The following EPN1 variants were observed in gnomAD, a reference collection of about 807,000 sequenced individuals.
EPN1 encodes the protein epsin-1.
In EPN1, 25 loss-of-function variants were observed where a neutral mutation model predicts 56.9. The ratio of observed to expected loss-of-function variants is 0.44; its 90% CI spans 0.32 to 0.61. EPN1 has a LOEUF of 0.61. Among genes scored for constraint, EPN1 ranks in the 20% least tolerant of loss-of-function variants. The pLI is 0.05. For missense variants in EPN1, 785 were observed against 823.7 expected (o/e 0.95, Z 0.58); for synonymous variants, 411 against 361.8 (o/e 1.14, Z -1.54).
At chr19:55,685,982 C>A (rs1244457647) in intron 3 of EPN1, among the ~76,000 whole-genome samples, 1 of 152,152 alleles carries the variant, frequency 6.6e-6, no homozygotes, top group Non-Finnish European at 1.5e-5. Context: ...CACAGTGACC[C>A]CCGAGGGTGC....
Position 55,708,945 on chromosome 19 carries a change from G to A in EPN1, c.*13589G>A, listed in dbSNP as rs753356427. On this transcript the variant is annotated 3_prime_UTR_variant, in exon 11 of 11. Coordinates refer to ENST00000270460, the MANE Select transcript of EPN1 (RefSeq NM_001130072.2). ...GCACACCCCTGATCTTGTATTCCTC[G>A]TCAATCCAAGGTCCATGTGAAATGG... 32 of 1,569,924 alleles carry A rather than the reference G, an allele frequency of 2.0e-5. No homozygotes were observed. Among genetic ancestry groups the A allele is most frequent in the East Asian group, 1.5e-4 (6 of 41,332 alleles).
intron 3 of EPN1, among the ~76,000 whole-genome samples, chr19:55,688,614 A>T (rs1012704130): frequency 6.6e-6 from 1 of 152,038 alleles, no homozygotes; most frequent in African/African-American, 2.4e-5. Context: ...TGCTTATCAG[A>T]CTGACTTTTG....
In EPN1 at chr19:55,689,758, C is replaced by T; in HGVS notation, c.679-109C>T. 2.0e-6 allele frequency: 2 copies of T among 1,002,826 alleles called. No homozygotes were observed. Among genetic ancestry groups the T allele is most frequent in the South Asian group, 2.7e-5 (2 of 72,988 alleles). 62.1% of individuals were successfully genotyped at this position (1,002,826 alleles called of 1,614,324 possible). On this transcript the variant is annotated intron_variant, in intron 5 of 10. Transcript: ENST00000270460. The surrounding 1 kb of genome is among the most constrained non-coding windows in gnomAD (Gnocchi z 5.7). ...ATTGTCCGCATCCCATCGAATCCTT[C>T]AGCCGCTTTCGTTGGGGTGGGAGGG...
rs1215675670 is a variant in EPN1 at position 55,705,716 on chromosome 19, C to G, written c.*10360C>G. ...AATAAAGGCCAAAGGTAGAGAAAAT[C>G]TTGAAAGTATCGAGAAAATGACATG... On this transcript the variant is annotated 3_prime_UTR_variant, in exon 11 of 11. Coordinates refer to ENST00000270460, the MANE Select transcript of EPN1 (RefSeq NM_001130072.2). 1.3e-5 allele frequency: 2 copies of G among 151,188 alleles called. No homozygotes were observed. Among genetic ancestry groups the G allele is most frequent in the Non-Finnish European group, 2.9e-5 (2 of 67,846 alleles). 9.4% of individuals were successfully genotyped at this position (151,188 alleles called of 1,614,324 possible).
rs1271671939 is a variant in EPN1 at position 55,697,152 on chromosome 19, G to C, written c.*1796G>C. 6.6e-6 allele frequency: 1 copy of C among 152,242 alleles called. No homozygotes were observed. 9.4% of individuals were successfully genotyped at this position (152,242 alleles called of 1,614,324 possible). ...AAATGGGGACTGTTACCGGGGGAGG[G>C]GGTGCTGTCCCCAGGCAGCAGCAAG... On this transcript the variant is annotated 3_prime_UTR_variant, in exon 11 of 11. Transcript: ENST00000270460.
At position 55,698,534 on chromosome 19, in the gene EPN1, G is replaced by C. The variant is rs1400739269; in HGVS notation, c.*3178G>C. On this transcript the variant is annotated 3_prime_UTR_variant, in exon 11 of 11. Coordinates refer to ENST00000270460, the MANE Select transcript of EPN1 (RefSeq NM_001130072.2). Reference sequence around the variant, plus strand: ...TCCCCTGCCACCTGTGCTCACCCTAGCCTTACCCCTCGCTCTACTCCCGCC... The same window carrying C: ...TCCCCTGCCACCTGTGCTCACCCTACCCTTACCCCTCGCTCTACTCCCGCC... The C allele has an allele frequency of 6.6e-6, 1 of 152,466 alleles. No homozygotes were observed. The allele number at this position is 152,466 out of a possible 1,614,324, so 9.4% of individuals were successfully genotyped here. A position where few individuals can be genotyped will look rare whatever the true frequency, so the allele number is the denominator to read the frequency against.
Position 55,708,979 on chromosome 19 carries a change from G to A in EPN1, c.*13623G>A, listed in dbSNP as rs1486219424. On this transcript the variant is annotated 3_prime_UTR_variant, in exon 11 of 11. Coordinates refer to ENST00000270460, the MANE Select transcript of EPN1 (RefSeq NM_001130072.2). ...AGGTCCATGTGAAATGGTCAGATGG[G>A]GAATTTTTTCTTCCACAGACATCAG... 6.3e-7 allele frequency: 1 copy of A among 1,593,580 alleles called. No homozygotes were observed.
Position 55,695,506 on chromosome 19 carries a change from C to T in EPN1, c.*150C>T. On this transcript the variant is annotated 3_prime_UTR_variant, in exon 11 of 11. Coordinates refer to ENST00000270460, the MANE Select transcript of EPN1 (RefSeq NM_001130072.2). This position sits in a 1 kb window ranked among gnomAD's most constrained non-coding sequence, Gnocchi z 4.4. Reference sequence around the variant, plus strand: ...CACTCACACTACACCCTCTTCCTTTCCCACCCCACCTCCCCGGAGAGAAAC... The same window carrying T: ...CACTCACACTACACCCTCTTCCTTTTCCACCCCACCTCCCCGGAGAGAAAC... 5.0e-6 allele frequency: 3 copies of T among 595,412 alleles called. No homozygotes were observed. The South Asian group carries it at 6.1e-5, about 12-fold the overall frequency. The allele number at this position is 595,412 out of a possible 1,614,324, so 36.9% of individuals were successfully genotyped here.
chr19:55,696,791 A>C lies in EPN1; in HGVS notation c.*1435A>C, dbSNP rs1441140865. 6.6e-6 allele frequency: 1 copy of C among 152,378 alleles called. No individual in the cohort carries two copies. Among genetic ancestry groups the C allele is most frequent in the Admixed American group, 6.5e-5 (1 of 15,282 alleles). 9.4% of individuals were successfully genotyped at this position (152,378 alleles called of 1,614,324 possible). A position where few individuals can be genotyped will look rare whatever the true frequency, so the allele number is the denominator to read the frequency against. On this transcript the variant is annotated 3_prime_UTR_variant, in exon 11 of 11. Transcript: ENST00000270460. ...ACTCCCTGGTGGACAGACCTACGTC[A>C]CCTGGGGATTGCAGAGCAAAAGGAG...
intron 2 of EPN1, among the ~76,000 whole-genome samples, chr19:55,681,393 G>A (rs1489867126): frequency 1.3e-5 from 2 of 152,114 alleles, no homozygotes; most frequent in Admixed American, 1.3e-4. Flanking sequence ...GCCAAGAGGA[G>A]CCCCGAGCCC....
chr19:55,689,096 C>A lies in EPN1; in HGVS notation c.603+102C>A. The stretch of plus-strand genomic sequence containing the variant: ...GTGGGCCTGGCCCTCACTGTCGCTG[C>A]TCCACATGCTGTCACTCGTCTCCTC... On this transcript the variant is annotated intron_variant, in intron 4 of 10. Transcript: ENST00000270460. The surrounding 1 kb of genome is among the most constrained non-coding windows in gnomAD (Gnocchi z 5.7). The A allele has an allele frequency of 7.0e-7, 1 of 1,423,202 alleles. No homozygotes were observed. Among genetic ancestry groups the A allele is most frequent in the Non-Finnish European group, 9.3e-7 (1 of 1,072,186 alleles). 88.2% of individuals were successfully genotyped at this position (1,423,202 alleles called of 1,614,324 possible).
intron 1 of EPN1, chr19:55,677,299 T>C: frequency 1.2e-6 from 1 of 869,172 alleles, no homozygotes. Context: ...TGGGGTTGTT[T>C]CAAGGATTAA....
chr19:55,691,202 TG>T lies in EPN1; in HGVS notation c.763-549del, dbSNP rs1986522581. On this transcript the variant is annotated intron_variant, in intron 6 of 10. Coordinates refer to ENST00000270460, the MANE Select transcript of EPN1 (RefSeq NM_001130072.2). The surrounding 1 kb of genome is among the most constrained non-coding windows in gnomAD (Gnocchi z 5.6). ...CGGGGTGACAGTGGGGCAATGGGCG[TG>T]GGAAGGCCTGCAGCGCGATGACTGC... Among the ~76,000 whole-genome samples the T allele has an allele frequency of 5.3e-5, 8 of 150,720 alleles. No individual in the cohort carries two copies. In the South Asian group the frequency reaches 1.7e-3, roughly 32 times the overall value.
At position 55,699,132 on chromosome 19, in the gene EPN1, T is replaced by G. The variant is rs1987025887; in HGVS notation, c.*3776T>G. On this transcript the variant is annotated 3_prime_UTR_variant, in exon 11 of 11. Coordinates refer to ENST00000270460, the MANE Select transcript of EPN1 (RefSeq NM_001130072.2). ...CGCAGGTTTGTTACATATATATACA[T>G]GTGCCATGTTGGTGTGCTGCACGCA... 1 of 152,236 alleles carries G rather than the reference T, an allele frequency of 6.6e-6. No homozygotes were observed. Among genetic ancestry groups the G allele is most frequent in the African/African-American group, 2.4e-5 (1 of 41,444 alleles). The allele number at this position is 152,236 out of a possible 1,614,324, so 9.4% of individuals were successfully genotyped here. A position where few individuals can be genotyped will look rare whatever the true frequency, so the allele number is the denominator to read the frequency against.
chr19:55,707,494 T>C lies in EPN1; in HGVS notation c.*12138T>C, dbSNP rs1987482624. ...CGGGTAAAGGAAAGACCAAAATAACTTTCCAAGATGAAAAGCTAAGAGTGC... is the reference window on the plus strand; with the variant it reads ...CGGGTAAAGGAAAGACCAAAATAACCTTCCAAGATGAAAAGCTAAGAGTGC... On this transcript the variant is annotated 3_prime_UTR_variant, in exon 11 of 11. Transcript: ENST00000270460. The C allele has an allele frequency of 6.5e-6, 1 of 152,920 alleles. No homozygotes were observed. Among genetic ancestry groups the C allele is most frequent in the African/African-American group, 2.4e-5 (1 of 41,460 alleles). The allele number at this position is 152,920 out of a possible 1,614,324, so 9.5% of individuals were successfully genotyped here.
rs1363729721 is a variant in EPN1 at position 55,697,911 on chromosome 19, G to C, written c.*2555G>C. ...GTGTCTCTCTCCCCACAGTGGGATG[G>C]CGAGCTTGTTAAATGGCCGTGAGGA... On this transcript the variant is annotated 3_prime_UTR_variant, in exon 11 of 11. Transcript: ENST00000270460. 1.3e-5 allele frequency: 2 copies of C among 152,192 alleles called. No homozygotes were observed. The highest frequency in any genetic ancestry group is 2.9e-5 in the Non-Finnish European group (2 of 68,060). 9.4% of individuals were successfully genotyped at this position (152,192 alleles called of 1,614,324 possible). A position where few individuals can be genotyped will look rare whatever the true frequency, so the allele number is the denominator to read the frequency against.
intron 2 of EPN1, among the ~76,000 whole-genome samples, chr19:55,681,079 G>A (rs1206246748): frequency 6.6e-6 from 1 of 152,256 alleles, no homozygotes; most frequent in African/African-American, 2.4e-5. Context: ...AGCCCAGGCT[G>A]TCCCACCCTG....
At chr19:55,683,429 A>C (rs548101154) in intron 2 of EPN1, among the ~76,000 whole-genome samples, 11 of 150,178 alleles carry the variant, frequency 7.3e-5, no homozygotes, top group African/African-American at 2.7e-4. Flanking sequence ...TTGGCTCACT[A>C]TCACCTCTGC....
intron 1 of EPN1, 101 bp from the exon 2 acceptor site, chr19:55,678,426 C>G (rs965145321): frequency 3.3e-6 from 4 of 1,208,316 alleles, no homozygotes; most frequent in Non-Finnish European, 4.5e-6. Context: ...TAACAAGGGA[C>G]AGAGCCTTCT....
Sources: gnomAD v4.1 joint callset for allele counts (sites outside exome capture counted in the v4.1 genomes callset) on GRCh38, gnomAD v4.1.1 for gene constraint, Gnocchi (gnomAD v3.1) non-coding constraint, MANE v1.5 for transcripts, NCBI Gene and HGNC (gene_info 2026-07-23, HGNC 2026-07-21) for gene names.